The following CRISPLD2 variants were observed in gnomAD, a reference collection of about 807,000 sequenced individuals.
CRISPLD2 encodes cysteine rich secretory protein LCCL domain containing 2.
In CRISPLD2, 47 loss-of-function variants were observed where a neutral mutation model predicts 71.1. The ratio of observed to expected loss-of-function variants is 0.66; its 90% CI spans 0.52 to 0.84. CRISPLD2 has a LOEUF of 0.84. Among genes scored for constraint, CRISPLD2 ranks in the 40% least tolerant of loss-of-function variants. The probability of loss-of-function intolerance (pLI) is 0.00; values close to 1 mark genes in which losing one functional copy is unlikely to be tolerated. For missense variants in CRISPLD2, 830 were observed against 651.1 expected (o/e 1.27, Z -2.99); for synonymous variants, 317 against 250.1 (o/e 1.27, Z -2.52).
intron 3 of CRISPLD2, among the ~76,000 whole-genome samples, chr16:84,847,219 C>T (rs967824447): frequency 3.3e-5 from 5 of 152,326 alleles, no homozygotes; most frequent in Admixed American, 2.0e-4. Context: ...CACTGGGCCA[C>T]GGGCAGCCGC....
intron 1 of CRISPLD2, among the ~76,000 whole-genome samples, chr16:84,825,669 C>T (rs995859708): frequency 6.6e-6 from 1 of 151,862 alleles, no homozygotes; most frequent in Non-Finnish European, 1.5e-5. Context: ...GGGAGGAGAA[C>T]CGCTTGAGCC....
At chr16:84,866,176 C>T (rs2143267925) in intron 6 of CRISPLD2, among the ~76,000 whole-genome samples, 1 of 151,882 alleles carries the variant, frequency 6.6e-6, no homozygotes, top group African/African-American at 2.4e-5. Flanking sequence ...AACCCAGGGA[C>T]AGGGGACTTC....
chr16:84,852,809 C>T (rs886825307), intron 5 of CRISPLD2, among the ~76,000 whole-genome samples: 4 of 152,146 alleles, frequency 2.6e-5, no homozygotes, highest in African/African-American at 4.8e-5. Context: ...TGGCTCATGC[C>T]TGTAATCCCA....
chr16:84,850,034 T>G (rs1473263604), intron 4 of CRISPLD2, among the ~76,000 whole-genome samples: 2 of 151,950 alleles, frequency 1.3e-5, no homozygotes, highest in East Asian at 3.9e-4. Context: ...CCGAGAAAAC[T>G]TCTATGGCAA....
At chr16:84,843,506 C>G (rs1022551789) in intron 2 of CRISPLD2, among the ~76,000 whole-genome samples, 1 of 152,240 alleles carries the variant, frequency 6.6e-6, no homozygotes, top group African/African-American at 2.4e-5. Flanking sequence ...GTCCAGCCAG[C>G]TCTGTCACTG....
chr16:84,878,814 A>T (rs1218752998), intron 12 of CRISPLD2, among the ~76,000 whole-genome samples: 1 of 152,260 alleles, frequency 6.6e-6, no homozygotes, highest in East Asian at 1.9e-4. Context: ...GGTTCAGATC[A>T]TATAATACAT....
chr16:84,905,370 C>T (rs768781332), intron 14 of CRISPLD2, among the ~76,000 whole-genome samples: 11 of 151,966 alleles, frequency 7.2e-5, no homozygotes, highest in South Asian at 2.1e-4. Context: ...TGAGTTTATA[C>T]GGTATGTTAA....
intron 6 of CRISPLD2, among the ~76,000 whole-genome samples, chr16:84,858,292 G>T (rs1226464066): frequency 1.3e-5 from 2 of 152,184 alleles, no homozygotes; most frequent in Non-Finnish European, 2.9e-5. Flanking sequence ...CTCAAAACTG[G>T]CAGCCTTTTG....
chr16:84,822,926 G>A (rs9939197), intron 1 of CRISPLD2, among the ~76,000 whole-genome samples: 50,301 of 151,896 alleles, frequency 0.33, 8,579 homozygotes, highest in African/African-American at 0.42. Flanking sequence ...ATTCAGTGGC[G>A]TTTAGTACAT....
At chr16:84,840,910 T>C (rs1916752776) in intron 2 of CRISPLD2, among the ~76,000 whole-genome samples, 1 of 152,156 alleles carries the variant, frequency 6.6e-6, no homozygotes. Context: ...TGATATTTAA[T>C]CAACTGGTGA....
At chr16:84,878,464 A>C (rs2071540556) in intron 12 of CRISPLD2, among the ~76,000 whole-genome samples, 1 of 146,602 alleles carries the variant, frequency 6.8e-6, no homozygotes. Context: ...CTGGCTTCTC[A>C]CTCTGCGTCA....
rs1567706095 is a variant in CRISPLD2 at position 84,896,776 on chromosome 16, T to C, written c.1439+7413T>C. 2.0e-5 allele frequency among the ~76,000 whole-genome samples: 3 copies of C among 152,202 alleles called. No individual in the cohort carries two copies. The South Asian group carries it at 6.2e-4, about 32-fold the overall frequency. On this transcript the variant is annotated intron_variant, in intron 14 of 14. Transcript: ENST00000262424. ...AGTCATGTATGTACACTCATACATA[T>C]AGAGACAGTTATATACATATAAATG...
chr16:84,837,634 G>A lies in CRISPLD2; in HGVS notation c.-74-788G>A, dbSNP rs576251160. On this transcript the variant is annotated intron_variant, in intron 1 of 14. Coordinates refer to ENST00000262424, the MANE Select transcript of CRISPLD2 (RefSeq NM_031476.4). ...GGGTTTCATCGTGTTAGCCAGGATG[G>A]TCTCGATCTCCTGACCTTGTGATCC... Among the ~76,000 whole-genome samples, 3 of 152,150 alleles carry A rather than the reference G, an allele frequency of 2.0e-5. No individual in the cohort carries two copies. In the East Asian group the frequency reaches 5.8e-4, roughly 29 times the overall value.
chr16:84,893,121 C>T (rs1012123165), intron 14 of CRISPLD2, among the ~76,000 whole-genome samples: 3 of 152,136 alleles, frequency 2.0e-5, no homozygotes, highest in East Asian at 1.9e-4. Context: ...GGGTGATGGC[C>T]GGGACAGTAT....
chr16:84,830,696 G>C (rs1167042780), intron 1 of CRISPLD2, among the ~76,000 whole-genome samples: 1 of 150,888 alleles, frequency 6.6e-6, no homozygotes, highest in Admixed American at 6.6e-5. Context: ...GCTACAGAGT[G>C]AGACTCTGTC....
chr16:84,862,244 C>T (rs904045020), intron 6 of CRISPLD2, among the ~76,000 whole-genome samples: 15 of 152,022 alleles, frequency 9.9e-5, no homozygotes, highest in African/African-American at 3.6e-4. Flanking sequence ...CCTTTGTTGC[C>T]CAGGCTGGAG....
chr16:84,906,083 G>C (rs2071799620), intron 14 of CRISPLD2, among the ~76,000 whole-genome samples: 1 of 152,090 alleles, frequency 6.6e-6, no homozygotes, highest in African/African-American at 2.4e-5. Flanking sequence ...GTTTTTACTA[G>C]CCATGGGACC....
chr16:84,870,911 A>C (rs1413668554), intron 8 of CRISPLD2, among the ~76,000 whole-genome samples: 1 of 151,756 alleles, frequency 6.6e-6, no homozygotes, highest in Non-Finnish European at 1.5e-5. Context: ...TACAAAAATT[A>C]GCTGGACATG....
intron 1 of CRISPLD2, among the ~76,000 whole-genome samples, chr16:84,836,824 A>G (rs911411741): frequency 2.0e-5 from 3 of 152,100 alleles, no homozygotes; most frequent in African/African-American, 7.2e-5. Flanking sequence ...AAGACCAGGG[A>G]GGACTCATGT....
Sources: allele counts gnomAD v4.1 joint callset (sites outside exome capture counted in the v4.1 genomes callset), GRCh38; gene constraint gnomAD v4.1.1; transcripts MANE v1.5; gene names NCBI Gene and HGNC (gene_info 2026-07-23, HGNC 2026-07-21).